The following MTRF1 variants were observed in gnomAD, a reference collection of about 807,000 sequenced individuals.
MTRF1 encodes peptide chain release factor 1, mitochondrial.
A neutral mutation model predicts 62.9 loss-of-function variants in MTRF1; 51 were observed. That is an observed-to-expected ratio of 0.81 (90% CI 0.65 to 1.02). MTRF1 has a LOEUF of 1.02. Ranked by LOEUF, MTRF1 falls within the 50% of genes least tolerant of loss-of-function variation. The pLI is 0.00. For missense variants in MTRF1, 446 were observed against 530.0 expected (o/e 0.84, Z 1.56); for synonymous variants, 158 against 181.9 (o/e 0.87, Z 1.06).
chr13:41,258,224 G>A (rs73179149), intron 2 of MTRF1, among the ~76,000 whole-genome samples: 8,076 of 152,198 alleles, frequency 0.053, 266 homozygotes, highest in Non-Finnish European at 0.08. Flanking sequence ...CAAAAATCCA[G>A]GACTTTACAG....
In MTRF1 at chr13:41,216,952, GGTCAGGAAA is replaced by G; in HGVS notation, c.*154_*162del. The G allele has an allele frequency of 2.3e-6, 1 of 438,726 alleles. No homozygotes were observed. Among genetic ancestry groups the G allele is most frequent in the Non-Finnish European group, 4.0e-6 (1 of 248,186 alleles). 27.2% of individuals were successfully genotyped at this position (438,726 alleles called of 1,614,324 possible). On this transcript the variant is annotated 3_prime_UTR_variant, in exon 10 of 10. Transcript: ENST00000379480. ...ACAGGAAACCTAAAATAAATTCTTA[GGTCAGGAAA>G]TGTGACTTCGATTAATTACAAAACA... is the stretch of plus-strand genomic sequence containing the variant.
intron 3 of MTRF1, among the ~76,000 whole-genome samples, chr13:41,253,815 A>T (rs567870788): frequency 8.5e-5 from 13 of 152,288 alleles, no homozygotes; most frequent in African/African-American, 2.9e-4. Context: ...AAAATAACTG[A>T]TATCCCATGT....
intron 7 of MTRF1, among the ~76,000 whole-genome samples, chr13:41,232,663 A>G (rs989894825): frequency 2.0e-5 from 3 of 152,228 alleles, no homozygotes; most frequent in African/African-American, 7.2e-5. Context: ...TTAAAATGAC[A>G]GAGTAGCAAA....
the MTRF1 span, among the ~76,000 whole-genome samples, chr13:41,305,282 T>A: frequency 6.6e-6 from 1 of 152,180 alleles, no homozygotes. Flanking sequence ...GGTTTTGAAC[T>A]CCCAAGCTCA....
At chr13:41,254,236 C>T (rs1217230298) in intron 3 of MTRF1, among the ~76,000 whole-genome samples, 1 of 152,210 alleles carries the variant, frequency 6.6e-6, no homozygotes, top group East Asian at 1.9e-4. Flanking sequence ...AATCCTCTGA[C>T]TCTTCCCTGT....
At chr13:41,305,263 G>T in the MTRF1 span, among the ~76,000 whole-genome samples, 1 of 152,136 alleles carries the variant, frequency 6.6e-6, no homozygotes, top group Non-Finnish European at 1.5e-5. Context: ...TCACTATGTT[G>T]TCCAGGTTGG....
intron 6 of MTRF1, 41 bp downstream of exon 6, chr13:41,240,220 T>A: frequency 6.5e-7 from 1 of 1,548,314 alleles, no homozygotes; most frequent in Non-Finnish European, 8.7e-7. Context: ...ACAATACCCG[T>A]TGACATGGAG....
intron 7 of MTRF1, 120 bp downstream of exon 7, chr13:41,233,770 C>T: frequency 1.3e-6 from 1 of 755,692 alleles, no homozygotes; most frequent in South Asian, 1.7e-5. Flanking sequence ...GATCCACAAC[C>T]CCAGTGACAT....
At chr13:41,302,249 C>T in the MTRF1 span, among the ~76,000 whole-genome samples, 6 of 151,990 alleles carry the variant, frequency 3.9e-5, no homozygotes, top group South Asian at 6.2e-4. Flanking sequence ...AGGCTGGTCT[C>T]GAACTCCTGA....
chr13:41,311,598 C>T, the MTRF1 span: 547 of 1,600,226 alleles, frequency 3.4e-4, no homozygotes, highest in Non-Finnish European at 4.3e-4. Context: ...TGGCCGTAGG[C>T]CGCGCTGCCG....
the MTRF1 span, among the ~76,000 whole-genome samples, chr13:41,273,321 G>T: frequency 7.3e-6 from 1 of 137,880 alleles, no homozygotes; most frequent in Non-Finnish European, 1.6e-5. Flanking sequence ...GCGAGACTCC[G>T]TCTCAAAAAA....
upstream of MTRF1, among the ~76,000 whole-genome samples, chr13:41,266,966 C>T (rs1226429859): frequency 1.4e-5 from 2 of 143,756 alleles, no homozygotes; most frequent in African/African-American, 5.3e-5. Context: ...CACTGCACTC[C>T]AGCCTGGCCA....
intron 5 of MTRF1, among the ~76,000 whole-genome samples, chr13:41,247,897 T>C (rs934406313): frequency 6.6e-6 from 1 of 152,186 alleles, no homozygotes; most frequent in Non-Finnish European, 1.5e-5. Flanking sequence ...TCATTGATCA[T>C]CTGACCTCCA....
intron 5 of MTRF1, among the ~76,000 whole-genome samples, chr13:41,246,369 A>G (rs2038261158): frequency 6.6e-6 from 1 of 152,160 alleles, no homozygotes; most frequent in Non-Finnish European, 1.5e-5. Flanking sequence ...ACTGAAAACT[A>G]TGCTGCTACT....
intron 1 of MTRF1, chr13:41,261,454 G>A (rs950174226): frequency 9.8e-5 from 15 of 152,508 alleles, no homozygotes; most frequent in African/African-American, 3.6e-4. Flanking sequence ...ATAATTAACT[G>A]AAGCATATGA....
the MTRF1 span, among the ~76,000 whole-genome samples, chr13:41,300,463 G>A: frequency 5.3e-5 from 8 of 152,048 alleles, no homozygotes; most frequent in African/African-American, 1.9e-4. Flanking sequence ...GTGGGCGCCT[G>A]TAGTCCCAGC....
At chr13:41,257,019 C>T (rs915408373) in intron 2 of MTRF1, among the ~76,000 whole-genome samples, 13 of 152,116 alleles carry the variant, frequency 8.5e-5, no homozygotes, top group Non-Finnish European at 1.9e-4. Flanking sequence ...GGTACTGAAG[C>T]CAAAGTATGA....
chr13:41,308,222 C>G, the MTRF1 span, among the ~76,000 whole-genome samples: 1 of 152,152 alleles, frequency 6.6e-6, no homozygotes, highest in Non-Finnish European at 1.5e-5. Flanking sequence ...AGGAAACTTT[C>G]ATAAAAGATA....
At chr13:41,244,496 C>A (rs927841799) in intron 5 of MTRF1, among the ~76,000 whole-genome samples, 8 of 152,164 alleles carry the variant, frequency 5.3e-5, no homozygotes, top group African/African-American at 1.9e-4. Flanking sequence ...TTGTCACAGG[C>A]AGCCTCAAGG....
Sources: gnomAD v4.1 joint callset for allele counts (sites outside exome capture counted in the v4.1 genomes callset) on GRCh38, gnomAD v4.1.1 for gene constraint, MANE v1.5 for transcripts, NCBI Gene and HGNC (gene_info 2026-07-23, HGNC 2026-07-21) for gene names.